The following PRICKLE2 variants were observed in gnomAD, a reference collection of about 807,000 sequenced individuals.
PRICKLE2 encodes the protein prickle-like protein 2.
PRICKLE2 carries 21 observed loss-of-function variants against 81.4 expected under a neutral mutation model. The observed-to-expected ratio is 0.26, with a 90% CI of 0.18 to 0.37. PRICKLE2 has a LOEUF of 0.37. PRICKLE2 is among the 10% of genes least tolerant of loss of function. The pLI, the probability that PRICKLE2 is intolerant of heterozygous loss-of-function variation, is 1.00. For missense variants in PRICKLE2, 940 were observed against 1,109.0 expected, an observed-to-expected ratio of 0.85 and a Z score of 2.16; for synonymous variants, 456 against 421.5, an observed-to-expected ratio of 1.08 and a Z score of -1.00.
At chr3:64,172,400 C>T (rs140077763) in intron 2 of PRICKLE2, among the ~76,000 whole-genome samples, 2 of 152,318 alleles carry the variant, frequency 1.3e-5, no homozygotes, top group East Asian at 1.9e-4. Context: ...AGAAGGATGG[C>T]AGTTTCTTAT....
chr3:64,225,001 C>T lies in PRICKLE2; in HGVS notation c.-132G>A, dbSNP rs1256438685. Reference sequence around the variant, plus strand: ...GTCCCAGTTCACTTTCTCCCTGGATCTGACTTCTAAGAACGCAAGCAGGAC... The same window carrying T: ...GTCCCAGTTCACTTTCTCCCTGGATTTGACTTCTAAGAACGCAAGCAGGAC... On this transcript the variant is annotated 5_prime_UTR_variant, in exon 1 of 8. Transcript: ENST00000638394. 1 of 985,364 alleles carries T rather than the reference C, an allele frequency of 1.0e-6. No homozygotes were observed. The highest frequency in any genetic ancestry group is 1.7e-5 in the African/African-American group (1 of 57,224). The allele number at this position is 985,364 out of a possible 1,614,324, so 61.0% of individuals were successfully genotyped here. A position where few individuals can be genotyped will look rare whatever the true frequency, so the allele number is the denominator to read the frequency against.
intron 1 of PRICKLE2, among the ~76,000 whole-genome samples, chr3:64,219,652 CCAA>C (rs533715821): frequency 1.6e-3 from 241 of 152,296 alleles, no homozygotes; most frequent in African/African-American, 5.4e-3. Context: ...CAAAGATCAA[CCAA>C]CGAGATTTTA....
chr3:64,093,264 C>G lies in PRICKLE2; in HGVS notation c.*5787G>C, dbSNP rs561272711. On this transcript the variant is annotated 3_prime_UTR_variant, in exon 8 of 8. Coordinates refer to ENST00000638394, the MANE Select transcript of PRICKLE2 (RefSeq NM_198859.4). ...ATACACCACACCTTGTTTACACATTCATCCATCAGTGGACATTTGGGTTGC... is the reference window on the plus strand; with the variant it reads ...ATACACCACACCTTGTTTACACATTGATCCATCAGTGGACATTTGGGTTGC... 8 of 152,684 alleles carry G rather than the reference C, an allele frequency of 5.2e-5. No homozygotes were observed. Among genetic ancestry groups the G allele is most frequent in the African/African-American group, 1.7e-4 (7 of 41,600 alleles). The allele number at this position is 152,684 out of a possible 1,614,324, so 9.5% of individuals were successfully genotyped here. A position where few individuals can be genotyped will look rare whatever the true frequency, so the allele number is the denominator to read the frequency against.
chr3:64,138,168 C>G (rs1216847782), intron 7 of PRICKLE2, among the ~76,000 whole-genome samples: 1 of 152,124 alleles, frequency 6.6e-6, no homozygotes, highest in Non-Finnish European at 1.5e-5. Context: ...CAGCTTAATC[C>G]CTCTTCCTTT....
intron 1 of PRICKLE2, among the ~76,000 whole-genome samples, chr3:64,213,461 T>C (rs922254871): frequency 1.3e-5 from 2 of 152,198 alleles, no homozygotes; most frequent in African/African-American, 2.4e-5. Context: ...ATCAAGGACT[T>C]TAGAGTTACC....
intron 2 of PRICKLE2, among the ~76,000 whole-genome samples, chr3:64,187,235 G>C (rs1227261691): frequency 6.6e-6 from 1 of 152,208 alleles, no homozygotes; most frequent in Non-Finnish European, 1.5e-5. Flanking sequence ...TTTATTAACA[G>C]GCAGTTTTAG....
chr3:64,158,413 GC>G (rs2077673624), intron 4 of PRICKLE2, among the ~76,000 whole-genome samples: 2 of 152,228 alleles, frequency 1.3e-5, no homozygotes, highest in African/African-American at 4.8e-5. Flanking sequence ...CAGAGCTAAA[GC>G]ATGCAGACAT....
At chr3:64,120,232 A>C (rs1165777346) in intron 7 of PRICKLE2, among the ~76,000 whole-genome samples, 1 of 152,186 alleles carries the variant, frequency 6.6e-6, no homozygotes, top group African/African-American at 2.4e-5. Flanking sequence ...GAAAAAGTCA[A>C]CTTCTAATAA....
intron 7 of PRICKLE2, among the ~76,000 whole-genome samples, chr3:64,109,943 T>C (rs1010402420): frequency 6.6e-6 from 1 of 152,210 alleles, no homozygotes; most frequent in Non-Finnish European, 1.5e-5. Context: ...TTCTATCCCT[T>C]TCCTTGCTCA....
At position 64,099,189 on chromosome 3, in the gene PRICKLE2, C is replaced by G; in HGVS notation, c.2397G>C (p.Ala799=). The G allele has an allele frequency of 1.2e-6, 2 of 1,614,210 alleles. No homozygotes were observed. Among genetic ancestry groups the G allele is most frequent in the Non-Finnish European group, 1.7e-6 (2 of 1,180,036 alleles). ...YFLGEPIPQP[A]RLRYVTSDEL... The stretch of plus-strand genomic sequence containing the variant: ...CATCGCTTGTGACGTATCGCAGGCG[C>G]GCTGGCTGGGGGATGGGTTCTCCTA... Residue 799 remains alanine (A), a synonymous_variant, in exon 8 of 8, where the codon GCG becomes GCC. Coordinates refer to ENST00000638394, the MANE Select transcript of PRICKLE2 (RefSeq NM_198859.4). This position sits in a 1 kb window ranked among gnomAD's most constrained non-coding sequence, Gnocchi z 4.3.
At position 64,200,196 on chromosome 3, in the gene PRICKLE2, C is replaced by A. The variant is rs1221789688; in HGVS notation, c.-40-1229G>T. On this transcript the variant is annotated intron_variant, in intron 1 of 7. Transcript: ENST00000638394. ...TCTCTATGGTTTTGCCTATTTTGGA[C>A]ATTTCATATAAATGCAATCATATAA... The A allele has an allele frequency of 4.6e-5, 7 of 152,318 alleles. No homozygotes were observed. In the South Asian group the frequency reaches 1.0e-3, roughly 23 times the overall value. The allele number at this position is 152,318 out of a possible 1,614,324, so 9.4% of individuals were successfully genotyped here. A position where few individuals can be genotyped will look rare whatever the true frequency, so the allele number is the denominator to read the frequency against.
intron 2 of PRICKLE2, among the ~76,000 whole-genome samples, chr3:64,231,945 A>G (rs1237897204): frequency 6.6e-6 from 1 of 152,206 alleles, no homozygotes; most frequent in Non-Finnish European, 1.5e-5. Flanking sequence ...CTCTAAAAAC[A>G]AAAACGAAAA....
At chr3:64,198,649 A>C (rs1028702305) in intron 2 of PRICKLE2, 135 bp downstream of exon 2, 33 of 953,050 alleles carry the variant, frequency 3.5e-5, no homozygotes, top group Non-Finnish European at 5.4e-5. Context: ...GGCCCCTGGC[A>C]TCTTCAACAT....
chr3:64,140,348 C>G (rs2107002795), intron 7 of PRICKLE2, among the ~76,000 whole-genome samples: 1 of 152,310 alleles, frequency 6.6e-6, no homozygotes, highest in East Asian at 1.9e-4. Flanking sequence ...GTCATATTTG[C>G]TAAGTGAATC....
At chr3:64,178,550 G>T (rs1004024237) in intron 2 of PRICKLE2, among the ~76,000 whole-genome samples, 1 of 152,154 alleles carries the variant, frequency 6.6e-6, no homozygotes, top group Non-Finnish European at 1.5e-5. Context: ...TTCCCCCTTT[G>T]TGCCTGGAAG....
chr3:64,188,827 T>C (rs1260648056), intron 2 of PRICKLE2, among the ~76,000 whole-genome samples: 1 of 152,244 alleles, frequency 6.6e-6, no homozygotes, highest in Non-Finnish European at 1.5e-5. Context: ...TATTTGCCAC[T>C]GAGACTGTAC....
chr3:64,260,374 G>C (rs561319451), intron 2 of PRICKLE2, among the ~76,000 whole-genome samples: 2 of 152,336 alleles, frequency 1.3e-5, no homozygotes, highest in African/African-American at 4.8e-5. Context: ...AGTTGCACTA[G>C]ATAATCTCCA....
At chr3:64,199,184 C>A in intron 1 of PRICKLE2, 1 of 608,128 alleles carries the variant, frequency 1.6e-6, no homozygotes, top group Non-Finnish European at 2.9e-6. Context: ...CAGAGGCCAC[C>A]AGGTAAGCAT....
rs1331286832 is a variant in PRICKLE2 at position 64,093,404 on chromosome 3, T to C, written c.*5647A>G. On this transcript the variant is annotated 3_prime_UTR_variant, in exon 8 of 8. Transcript: ENST00000638394. ...ATAGCCCAGAAGTAGCATATGGTAG[T>C]AATTCTATTTTTAATTTTTTTTGAG... 6.6e-6 allele frequency: 1 copy of C among 152,234 alleles called. No individual in the cohort carries two copies. Among genetic ancestry groups the C allele is most frequent in the Non-Finnish European group, 1.5e-5 (1 of 68,052 alleles). 9.4% of individuals were successfully genotyped at this position (152,234 alleles called of 1,614,324 possible). A position where few individuals can be genotyped will look rare whatever the true frequency, so the allele number is the denominator to read the frequency against.
Sources: allele counts gnomAD v4.1 joint callset (sites outside exome capture counted in the v4.1 genomes callset), GRCh38; gene constraint gnomAD v4.1.1; non-coding constraint Gnocchi (gnomAD v3.1); transcripts MANE v1.5; gene names NCBI Gene and HGNC (gene_info 2026-07-23, HGNC 2026-07-21).